The following GRIK1 variants were observed in gnomAD, a reference collection of about 807,000 sequenced individuals.
GRIK1 encodes the protein glutamate ionotropic receptor kainate type subunit 1.
In GRIK1, 69 loss-of-function variants were observed where a neutral mutation model predicts 105.7. The observed-to-expected ratio is 0.65, with a 90% CI of 0.54 to 0.80. GRIK1 has a LOEUF of 0.80. Among genes scored for constraint, GRIK1 ranks in the 30% least tolerant of loss-of-function variants. GRIK1 has a pLI of 0.00. For synonymous variants in GRIK1, 438 were observed against 431.3 expected (o/e 1.02, Z -0.19); for missense variants, 1,109 against 1,167.3 (o/e 0.95, Z 0.73).
intron 1 of GRIK1, among the ~76,000 whole-genome samples, chr21:29,780,126 TGAGATA>T (rs1453622496): frequency 6.6e-6 from 1 of 152,138 alleles, no homozygotes; most frequent in Admixed American, 6.5e-5. Context: ...GTGGATTCAG[TGAGATA>T]GAATATGTAA....
intron 1 of GRIK1, among the ~76,000 whole-genome samples, chr21:29,832,834 T>C (rs528346365): frequency 6.6e-6 from 1 of 152,170 alleles, no homozygotes; most frequent in Non-Finnish European, 1.5e-5. Flanking sequence ...CTCGCCTGGA[T>C]TCATTCCCAG....
At chr21:29,815,687 A>G (rs554069259) in intron 1 of GRIK1, among the ~76,000 whole-genome samples, 406 of 152,332 alleles carry the variant, frequency 2.7e-3, no homozygotes, top group Non-Finnish European at 4.7e-3. Context: ...TCACTCTATC[A>G]TAAGTAATTC....
intron 14 of GRIK1, among the ~76,000 whole-genome samples, chr21:29,572,792 C>T (rs553005999): frequency 6.6e-6 from 1 of 151,458 alleles, no homozygotes; most frequent in African/African-American, 2.4e-5. Flanking sequence ...TTTTTTGAGA[C>T]GGAGTTTTGC....
intron 1 of GRIK1, among the ~76,000 whole-genome samples, chr21:29,910,559 C>A (rs959197450): frequency 4.6e-5 from 7 of 152,062 alleles, no homozygotes; most frequent in African/African-American, 1.7e-4. Flanking sequence ...TGTAATACAG[C>A]AAATTCAATT....
At chr21:29,716,145 A>G (rs778794616) in intron 1 of GRIK1, among the ~76,000 whole-genome samples, 1 of 152,116 alleles carries the variant, frequency 6.6e-6, no homozygotes, top group Non-Finnish European at 1.5e-5. Flanking sequence ...CCCTTCCACC[A>G]TGATTGTAAG....
At chr21:29,832,670 C>T (rs1282749420) in intron 1 of GRIK1, among the ~76,000 whole-genome samples, 1 of 152,178 alleles carries the variant, frequency 6.6e-6, no homozygotes. Flanking sequence ...TGAGGTTTTA[C>T]AAGACAGTAG....
At chr21:29,920,662 G>T (rs1386860089) in intron 1 of GRIK1, among the ~76,000 whole-genome samples, 1 of 152,016 alleles carries the variant, frequency 6.6e-6, no homozygotes, top group Non-Finnish European at 1.5e-5. Context: ...AGTCTATCCT[G>T]CTCATTCATA....
At chr21:29,775,691 A>G (rs1049716578) in intron 1 of GRIK1, among the ~76,000 whole-genome samples, 1 of 152,146 alleles carries the variant, frequency 6.6e-6, no homozygotes, top group Non-Finnish European at 1.5e-5. Flanking sequence ...CATGGTGATC[A>G]GTTGCTCTCT....
At chr21:29,701,533 G>C (rs763028100) in intron 1 of GRIK1, among the ~76,000 whole-genome samples, 1 of 152,174 alleles carries the variant, frequency 6.6e-6, no homozygotes, top group Admixed American at 6.5e-5. Flanking sequence ...AGATCACAGA[G>C]GGCCTTAAGG....
intron 3 of GRIK1, among the ~76,000 whole-genome samples, chr21:29,679,534 T>A (rs1303539621): frequency 1.3e-5 from 2 of 152,194 alleles, no homozygotes; most frequent in African/African-American, 4.8e-5. Context: ...CTGCCTGTTC[T>A]TACCCTTATT....
In GRIK1 at chr21:29,750,654, G is replaced by A. The variant is rs74904904; in HGVS notation, c.119-56591C>T. ...TGATTTTCTGATGAGGGTCAATAGA[G>A]GAGAGAAGGAGAGAGAAGAATTGAG... is the stretch of plus-strand genomic sequence containing the variant. On this transcript the variant is annotated intron_variant, in intron 1 of 17. Coordinates refer to ENST00000327783, the MANE Select transcript of GRIK1 (RefSeq NM_001330994.2). Among the ~76,000 whole-genome samples the A allele has an allele frequency of 7.9e-3, 1,207 of 152,006 alleles. 22 individuals carry two copies. Among genetic ancestry groups the A allele is most frequent in the African/African-American group, 0.028 (1,163 of 41,324 alleles).
chr21:29,710,532 T>C lies in GRIK1; in HGVS notation c.119-16469A>G, dbSNP rs376942551. 4.6e-5 allele frequency among the ~76,000 whole-genome samples: 7 copies of C among 152,164 alleles called. No homozygotes were observed. The East Asian group carries it at 9.6e-4, about 21-fold the overall frequency. On this transcript the variant is annotated intron_variant, in intron 1 of 17. Transcript: ENST00000327783. ...AATGAAAAACATTTTTCCTTAGTTATTGATATTTTTGAGTAGATGTCAAGA... is the reference window on the plus strand; with the variant it reads ...AATGAAAAACATTTTTCCTTAGTTACTGATATTTTTGAGTAGATGTCAAGA...
chr21:29,904,359 TA>T lies in GRIK1; in HGVS notation c.118+35023del, dbSNP rs200207660. 7.3e-3 allele frequency among the ~76,000 whole-genome samples: 1,116 copies of T among 152,190 alleles called. 7 individuals carry two copies. The highest frequency in any genetic ancestry group is 0.012 in the Non-Finnish European group (793 of 68,006). ...CAAATAACCTAAATTTGTTTTTTTT[TA>T]AAACTGAAATTGGAACTATTATGAC... is the stretch of plus-strand genomic sequence containing the variant. On this transcript the variant is annotated intron_variant, in intron 1 of 17. Coordinates refer to ENST00000327783, the MANE Select transcript of GRIK1 (RefSeq NM_001330994.2).
intron 1 of GRIK1, among the ~76,000 whole-genome samples, chr21:29,698,954 C>T (rs1328765847): frequency 6.6e-6 from 1 of 152,110 alleles, no homozygotes; most frequent in Non-Finnish European, 1.5e-5. Flanking sequence ...TTTATTAATA[C>T]ACGTTCGTAT....
At chr21:29,556,729 A>G (rs964946160) in intron 15 of GRIK1, among the ~76,000 whole-genome samples, 5 of 152,178 alleles carry the variant, frequency 3.3e-5, no homozygotes, top group Admixed American at 3.3e-4. Flanking sequence ...ATTTCAAGTC[A>G]CTAGGAATGA....
intron 7 of GRIK1, among the ~76,000 whole-genome samples, chr21:29,602,571 A>G (rs539881214): frequency 1.3e-5 from 2 of 152,218 alleles, no homozygotes; most frequent in Non-Finnish European, 2.9e-5. Context: ...TCCCAACTGC[A>G]GGGAAAGAGT....
intron 1 of GRIK1, among the ~76,000 whole-genome samples, chr21:29,849,994 A>G (rs2068254542): frequency 6.6e-6 from 1 of 152,148 alleles, no homozygotes; most frequent in Admixed American, 6.5e-5. Context: ...GAGTGAGAGA[A>G]CAAACAGCCC....
intron 1 of GRIK1, among the ~76,000 whole-genome samples, chr21:29,869,743 A>G (rs1439877573): frequency 6.6e-6 from 1 of 152,194 alleles, no homozygotes; most frequent in Non-Finnish European, 1.5e-5. Flanking sequence ...TTTTCTGCTA[A>G]TAAAAATAAC....
intron 7 of GRIK1, among the ~76,000 whole-genome samples, chr21:29,637,354 A>T (rs749316872): frequency 6.6e-6 from 1 of 152,194 alleles, no homozygotes; most frequent in East Asian, 1.9e-4. Flanking sequence ...CCTAATCTGG[A>T]CACAGCGTAA....
Sources: gnomAD v4.1 joint callset for allele counts (sites outside exome capture counted in the v4.1 genomes callset) on GRCh38, gnomAD v4.1.1 for gene constraint, MANE v1.5 for transcripts, NCBI Gene and HGNC (gene_info 2026-07-23, HGNC 2026-07-21) for gene names.